LRBA: variants seen among roughly 807,000 people sequenced by gnomAD.
The protein encoded by LRBA is lipopolysaccharide-responsive and beige-like anchor protein.
In LRBA, 176 loss-of-function variants were observed where a neutral mutation model predicts 330.0. The observed-to-expected ratio is 0.53, with a 90% CI of 0.47 to 0.60. The LOEUF is 0.60. Among genes scored for constraint, LRBA ranks in the 20% least tolerant of loss-of-function variants. LRBA has a pLI of 0.00. For synonymous variants in LRBA, 1,230 were observed against 1,193.0 expected (o/e 1.03, Z -0.64); for missense variants, 3,259 against 3,444.8 (o/e 0.95, Z 1.35).
intron 40 of LRBA, among the ~76,000 whole-genome samples, chr4:150,551,298 T>A (rs1455762296): frequency 6.6e-6 from 1 of 152,112 alleles, no homozygotes; most frequent in Non-Finnish European, 1.5e-5. Flanking sequence ...AGAGAATGGA[T>A]TAAAAAACTA....
At position 150,282,360 on chromosome 4, in the gene LRBA, T is replaced by C. The variant is rs181472583; in HGVS notation, c.8316+90A>G. On this transcript the variant is annotated intron_variant, in intron 55 of 56. Transcript: ENST00000651943. ...AAAGAGGCCCTCGGCAATCCAAAAA[T>C]AGAGGTTTCTTTCGCGAACCCTCTC... is the stretch of plus-strand genomic sequence containing the variant. The C allele has an allele frequency of 7.0e-5, 81 of 1,161,264 alleles. 1 individual carries two copies. The highest frequency in any genetic ancestry group is 6.6e-4 in the South Asian group (49 of 74,718). 71.9% of individuals were successfully genotyped at this position (1,161,264 alleles called of 1,614,324 possible).
intron 34 of LRBA, among the ~76,000 whole-genome samples, chr4:150,793,257 T>A (rs1740254383): frequency 6.6e-6 from 1 of 151,582 alleles, no homozygotes; most frequent in Non-Finnish European, 1.5e-5. Flanking sequence ...GGACCATGAT[T>A]GCACCACTGA....
chr4:150,558,242 A>T (rs1767589327), intron 40 of LRBA, among the ~76,000 whole-genome samples: 1 of 152,020 alleles, frequency 6.6e-6, no homozygotes, highest in African/African-American at 2.4e-5. Flanking sequence ...CAGAGCCCAC[A>T]CTTAGCAGGT....
At chr4:150,604,818 C>T (rs1414478714) in intron 37 of LRBA, among the ~76,000 whole-genome samples, 1 of 152,082 alleles carries the variant, frequency 6.6e-6, no homozygotes, top group Non-Finnish European at 1.5e-5. Context: ...GTTCCCCTGC[C>T]CCACAATTCA....
Position 150,310,345 on chromosome 4 carries a change from A to C in LRBA, c.7733T>G (p.Leu2578Arg), listed in dbSNP as rs755395413. ...TGMHRRQITD[L>R]LDQSIQVHSQ... ...ATGCACTTGAATACTTTGGTCTAAA[A>C]GGTCAGTGATTTGCCTCCTGTGCAT... The change falls in exon 52 of 57, where the codon CTT (leucine) becomes CGT (arginine). Residue 2578 changes from leucine to arginine, a missense_variant. By Grantham distance (102) the Leu-to-Arg change is moderately radical. Coordinates refer to ENST00000651943, the MANE Select transcript of LRBA (RefSeq NM_001364905.1). The C allele has an allele frequency of 5.0e-6, 8 of 1,613,452 alleles. No homozygotes were observed. Among genetic ancestry groups the C allele is most frequent in the Non-Finnish European group, 6.8e-6 (8 of 1,179,542 alleles).
intron 29 of LRBA, among the ~76,000 whole-genome samples, chr4:150,831,215 T>C (rs76727083): frequency 6.6e-6 from 1 of 151,484 alleles, no homozygotes. Flanking sequence ...TTTTTTTTTT[T>C]AGCACTTTCA....
intron 40 of LRBA, among the ~76,000 whole-genome samples, chr4:150,575,277 T>C (rs1339865333): frequency 1.3e-5 from 2 of 152,014 alleles, no homozygotes; most frequent in Non-Finnish European, 2.9e-5. Flanking sequence ...AGCATTTTGT[T>C]GTTGTTGTTT....
At chr4:150,544,277 G>A (rs1359046255) in intron 40 of LRBA, among the ~76,000 whole-genome samples, 2 of 152,008 alleles carry the variant, frequency 1.3e-5, no homozygotes, top group Non-Finnish European at 2.9e-5. Flanking sequence ...ACAGGTGCAT[G>A]CCACCATGCC....
chr4:150,640,152 C>T (rs189330806), intron 37 of LRBA, among the ~76,000 whole-genome samples: 18 of 151,798 alleles, frequency 1.2e-4, no homozygotes, highest in South Asian at 4.2e-4. Flanking sequence ...CCACCACGCC[C>T]GGCCCCAATT....
At chr4:150,928,423 C>T in intron 4 of LRBA, 93 bp downstream of exon 4, 1 of 728,560 alleles carries the variant, frequency 1.4e-6, no homozygotes, top group Admixed American at 2.7e-5. Context: ...TGACAATTAT[C>T]CCATGTATAA....
At chr4:150,505,116 C>A (rs1202722909) in intron 40 of LRBA, among the ~76,000 whole-genome samples, 3 of 152,084 alleles carry the variant, frequency 2.0e-5, no homozygotes, top group Non-Finnish European at 2.9e-5. Flanking sequence ...GACTCCCACA[C>A]AACAATAATA....
chr4:150,264,499 A>AAAC lies in LRBA; in HGVS notation c.*1222_*1223insGTT, dbSNP rs1560930080. ...TGATGTTTAAAATTTAGGAGCAAAAAAGGCATTTCCAACAATTCAATTACA... is the reference window on the plus strand; with the variant it reads ...TGATGTTTAAAATTTAGGAGCAAAAAAACAGGCATTTCCAACAATTCAATTACA... On this transcript the variant is annotated 3_prime_UTR_variant, in exon 57 of 57. Transcript: ENST00000651943. 3.9e-5 allele frequency: 6 copies of AAAC among 152,188 alleles called. No individual in the cohort carries two copies. Among genetic ancestry groups the AAAC allele is most frequent in the East Asian group, 1.9e-4 (1 of 5,170 alleles). The allele number at this position is 152,188 out of a possible 1,614,324, so 9.4% of individuals were successfully genotyped here.
chr4:150,755,877 G>GA lies in LRBA; in HGVS notation c.5645+5905dup, dbSNP rs779015665. ...ACATGGCAAAACCCCATCTCTACAA[G>GA]AAAAAAAAAAAAATTAAAAATTAGC... On this transcript the variant is annotated intron_variant, in intron 35 of 56. Coordinates refer to ENST00000651943, the MANE Select transcript of LRBA (RefSeq NM_001364905.1). Among the ~76,000 whole-genome samples the GA allele has an allele frequency of 1.8e-3, 244 of 138,208 alleles. 2 individuals carry two copies. The highest frequency in any genetic ancestry group is 3.7e-3 in the Middle Eastern group (1 of 270). 90.7% of individuals were successfully genotyped at this position (138,208 alleles called of 152,430 possible). A position where few individuals can be genotyped will look rare whatever the true frequency, so the allele number is the denominator to read the frequency against.
intron 47 of LRBA, among the ~76,000 whole-genome samples, chr4:150,370,645 C>T (rs566409429): frequency 5.9e-5 from 9 of 152,206 alleles, no homozygotes; most frequent in African/African-American, 1.7e-4. Context: ...AAAGTGAACC[C>T]TAATATAAAC....
chr4:150,418,429 TA>T (rs1218711834), intron 46 of LRBA, among the ~76,000 whole-genome samples: 1 of 152,146 alleles, frequency 6.6e-6, no homozygotes, highest in Non-Finnish European at 1.5e-5. Context: ...AATTTTTAAA[TA>T]AGTGATATGA....
chr4:150,710,866 G>A (rs1786119529), intron 36 of LRBA, among the ~76,000 whole-genome samples: 5 of 151,662 alleles, frequency 3.3e-5, no homozygotes. Context: ...TTACGTCTCT[G>A]CTTGCAAACT....
At chr4:150,858,606 T>C (rs72961874) in intron 22 of LRBA, among the ~76,000 whole-genome samples, 4,933 of 152,308 alleles carry the variant, frequency 0.032, 220 homozygotes, top group African/African-American at 0.11. Flanking sequence ...CTCAGCTCAC[T>C]GCAGCTTCAG....
chr4:150,502,955 C>G (rs1350608084), intron 40 of LRBA, among the ~76,000 whole-genome samples: 1 of 152,188 alleles, frequency 6.6e-6, no homozygotes, highest in East Asian at 1.9e-4. Context: ...TCGCTCATTG[C>G]TAGCACAGCA....
chr4:150,634,652 C>A (rs1777707870), intron 37 of LRBA, among the ~76,000 whole-genome samples: 1 of 152,110 alleles, frequency 6.6e-6, no homozygotes, highest in Non-Finnish European at 1.5e-5. Context: ...TCTTTGCATT[C>A]TTTTTTCAGA....
Sources: allele counts gnomAD v4.1 joint callset (sites outside exome capture counted in the v4.1 genomes callset), GRCh38; gene constraint gnomAD v4.1.1; transcripts MANE v1.5; gene names NCBI Gene and HGNC (gene_info 2026-07-23, HGNC 2026-07-21).